The following CCDC171 variants were observed in gnomAD, a reference collection of about 807,000 sequenced individuals.
The protein encoded by CCDC171 is coiled-coil domain containing 171, also known as coiled-coil domain-containing protein 171.
CCDC171 carries 177 observed loss-of-function variants against 168.2 expected under a neutral mutation model. The ratio of observed to expected loss-of-function variants is 1.05; its 90% confidence interval spans 0.93 to 1.19. CCDC171 has a LOEUF of 1.19. Ranked by LOEUF, CCDC171 falls within the 50% of genes most tolerant of loss-of-function variation. CCDC171 has a pLI of 0.00. For missense variants in CCDC171, 1,991 were observed against 1,539.0 expected, an observed-to-expected ratio of 1.29 and a Z score of -4.91; for synonymous variants, 687 against 540.8, an observed-to-expected ratio of 1.27 and a Z score of -3.75.
chr9:15,824,518 C>T (rs898077535), intron 21 of CCDC171, among the ~76,000 whole-genome samples: 1 of 151,910 alleles, frequency 6.6e-6, no homozygotes, highest in Non-Finnish European at 1.5e-5. Flanking sequence ...CAGGTGTTGG[C>T]AAGTACTTTG....
intron 21 of CCDC171, among the ~76,000 whole-genome samples, chr9:15,785,764 T>G (rs2057917494): frequency 6.6e-6 from 1 of 152,128 alleles, no homozygotes; most frequent in African/African-American, 2.4e-5. Context: ...TCTGTCTTCC[T>G]AACCACCACA....
intron 24 of CCDC171, 61 bp from the exon 25 acceptor site, chr9:15,920,209 A>G: frequency 1.9e-6 from 2 of 1,066,502 alleles, no homozygotes; most frequent in South Asian, 2.8e-5. Flanking sequence ...CAAATTATGG[A>G]AATTCTCCTT....
intron 6 of CCDC171, among the ~76,000 whole-genome samples, chr9:15,622,428 C>A (rs2044580713): frequency 6.6e-6 from 1 of 152,170 alleles, no homozygotes; most frequent in Non-Finnish European, 1.5e-5. Context: ...ATGTTTGTAA[C>A]ATACTCAGAT....
intron 24 of CCDC171, among the ~76,000 whole-genome samples, chr9:15,881,485 C>G (rs1818635095): frequency 6.6e-6 from 1 of 152,012 alleles, no homozygotes; most frequent in African/African-American, 2.4e-5. Flanking sequence ...ATATTAGAAC[C>G]ATTCAAATTC....
chr9:16,081,173 A>G, the CCDC171 span, among the ~76,000 whole-genome samples: 6 of 152,158 alleles, frequency 3.9e-5, no homozygotes, highest in African/African-American at 1.2e-4. Flanking sequence ...TAACATGGAC[A>G]TTGTCAGTTG....
At chr9:15,649,877 G>C (rs902258202) in intron 7 of CCDC171, among the ~76,000 whole-genome samples, 1 of 152,212 alleles carries the variant, frequency 6.6e-6, no homozygotes, top group African/African-American at 2.4e-5. Flanking sequence ...AATACGGTTT[G>C]AGCCAGCCAT....
intron 21 of CCDC171, among the ~76,000 whole-genome samples, chr9:15,815,311 T>TACAGTAACCAAAACACCATGGTAGTA (rs1563794788): frequency 8.0e-5 from 10 of 125,130 alleles, no homozygotes; most frequent in African/African-American, 5.9e-5. Context: ...AACTCTGTGC[T>TACAGTAACCAAAACACCATGGTAGTA]TTATTGTTCT....
chr9:15,923,634 G>A (rs1825586388), intron 25 of CCDC171, among the ~76,000 whole-genome samples: 1 of 151,254 alleles, frequency 6.6e-6, no homozygotes, highest in Admixed American at 6.6e-5. Context: ...AGTGCAAAGA[G>A]TGGATTTTAA....
At chr9:15,698,494 CT>C (rs2051402138) in intron 11 of CCDC171, among the ~76,000 whole-genome samples, 1 of 147,446 alleles carries the variant, frequency 6.8e-6, no homozygotes, top group African/African-American at 2.5e-5. Flanking sequence ...GCACTCCAGC[CT>C]GGGCAACAGA....
At chr9:15,948,961 A>T (rs188038700) in intron 25 of CCDC171, among the ~76,000 whole-genome samples, 42 of 152,232 alleles carry the variant, frequency 2.8e-4, no homozygotes, top group African/African-American at 6.0e-4. Flanking sequence ...TTTAGGTCTA[A>T]CATTTAAGTC....
intron 24 of CCDC171, among the ~76,000 whole-genome samples, chr9:15,882,715 C>A (rs980102205): frequency 6.6e-6 from 1 of 151,958 alleles, no homozygotes; most frequent in African/African-American, 2.4e-5. Flanking sequence ...TGTTTCATGA[C>A]TGGGAAAACT....
chr9:15,957,127 G>A (rs557192422), intron 25 of CCDC171, among the ~76,000 whole-genome samples: 1 of 151,466 alleles, frequency 6.6e-6, no homozygotes, highest in South Asian at 2.1e-4. Context: ...AGCCATACTA[G>A]TTCTGAGCAT....
Position 15,779,106 on chromosome 9 carries a change from A to C in CCDC171, c.3037A>C (p.Lys1013Gln). Residue 1013 changes from lysine to glutamine, a missense_variant, in exon 20 of 26, where the codon AAA (lysine) becomes CAA (glutamine). By Grantham distance (53) the Lys-to-Gln change is moderately conservative (BLOSUM62 1). Coordinates refer to ENST00000380701, the MANE Select transcript of CCDC171 (RefSeq NM_173550.4). ...SVNEMKKELDKAQGLQMQLNE... is the reference protein window; with the variant it reads ...SVNEMKKELDQAQGLQMQLNE... ...GAATGAAATGAAAAAGGAGCTTGAC[A>C]AAGCCCAGGGTCTGCAAATGCAATT... The C allele has an allele frequency of 6.2e-7, 1 of 1,600,744 alleles. No homozygotes were observed.
At chr9:15,978,996 T>C (rs1023638102), downstream of CCDC171, among the ~76,000 whole-genome samples, 5 of 152,188 alleles carry the variant, frequency 3.3e-5, no homozygotes, top group African/African-American at 1.2e-4. Flanking sequence ...TATGTATTGC[T>C]ATTTTTATCT....
intron 4 of CCDC171, among the ~76,000 whole-genome samples, chr9:15,582,634 G>C (rs1156652936): frequency 6.6e-6 from 1 of 152,118 alleles, no homozygotes; most frequent in East Asian, 1.9e-4. Flanking sequence ...CCTTTGCAGG[G>C]ACATGCATGA....
chr9:15,594,310 C>T, intron 6 of CCDC171, 138 bp downstream of exon 6: 1 of 571,992 alleles, frequency 1.7e-6, no homozygotes, highest in Non-Finnish European at 3.0e-6. Context: ...ATTTCATTTG[C>T]TGTTACATGA....
intron 9 of CCDC171, among the ~76,000 whole-genome samples, chr9:15,675,680 T>G (rs1175472856): frequency 6.6e-6 from 1 of 152,198 alleles, no homozygotes; most frequent in Non-Finnish European, 1.5e-5. Context: ...TTCTTTTCTT[T>G]AAGAATGTTG....
chr9:15,782,296 C>G lies in CCDC171; in HGVS notation c.3082-2213C>G, dbSNP rs572402938. The stretch of plus-strand genomic sequence containing the variant: ...TCTACTGACAGTCGTTCTTTAACAG[C>G]TAACTTCCCCAGTCTCATGATCTTT... On this transcript the variant is annotated intron_variant, in intron 20 of 25. Transcript: ENST00000380701. Among the ~76,000 whole-genome samples the G allele has an allele frequency of 1.9e-3, 290 of 152,336 alleles. 1 individual carries two copies. The highest frequency in any genetic ancestry group is 3.2e-3 in the Non-Finnish European group (216 of 68,032).
At chr9:15,635,102 T>C (rs895480911) in intron 7 of CCDC171, among the ~76,000 whole-genome samples, 3 of 152,148 alleles carry the variant, frequency 2.0e-5, no homozygotes, top group African/African-American at 4.8e-5. Context: ...TAATAGTATA[T>C]ATGTATATGT....
Sources: gnomAD v4.1 joint callset for allele counts (sites outside exome capture counted in the v4.1 genomes callset) on GRCh38, gnomAD v4.1.1 for gene constraint, MANE v1.5 for transcripts, NCBI Gene and HGNC (gene_info 2026-07-23, HGNC 2026-07-21) for gene names.